The following ELAVL2 variants were observed in gnomAD, a reference collection of about 807,000 sequenced individuals.
ELAVL2 encodes the protein ELAV-like protein 2.
Under a neutral mutation model 34.6 loss-of-function variants are expected in ELAVL2, and 4 were observed. That is an observed-to-expected ratio of 0.12 (90% CI 0.06 to 0.26). The LOEUF (loss-of-function observed/expected upper bound fraction) is 0.26. ELAVL2 is among the 10% of genes least tolerant of loss of function. The pLI is 1.00. For synonymous variants in ELAVL2, 193 were observed against 154.8 expected (o/e 1.25, Z -1.83); for missense variants, 432 against 442.8 (o/e 0.98, Z 0.22).
At chr9:23,734,536 C>G (rs565937916) in intron 2 of ELAVL2, among the ~76,000 whole-genome samples, 3 of 152,284 alleles carry the variant, frequency 2.0e-5, no homozygotes, top group South Asian at 2.1e-4. Flanking sequence ...ACTGAGACTT[C>G]AGGCATATTG....
chr9:23,720,427 A>T (rs1036455503), intron 3 of ELAVL2, among the ~76,000 whole-genome samples: 2 of 152,076 alleles, frequency 1.3e-5, no homozygotes, highest in Admixed American at 1.3e-4. Flanking sequence ...TCAGCCTCCC[A>T]AAGTGCTGGG....
At chr9:23,781,696 TTTTG>T (rs759254155) in intron 1 of ELAVL2, among the ~76,000 whole-genome samples, 1 of 151,590 alleles carries the variant, frequency 6.6e-6, no homozygotes, top group Non-Finnish European at 1.5e-5. Flanking sequence ...TTAAATCTTT[TTTTG>T]TTTGTTTTTT....
intron 1 of ELAVL2, among the ~76,000 whole-genome samples, chr9:23,796,886 A>C (rs938298483): frequency 6.6e-6 from 1 of 152,208 alleles, no homozygotes; most frequent in Non-Finnish European, 1.5e-5. Flanking sequence ...TGACTTGCTT[A>C]TCTCTTCATT....
At chr9:23,821,756 C>CCCGCGCCGCGCCGCGCCGCG (rs367599469) in intron 1 of ELAVL2, 17 of 151,028 alleles carry the variant, frequency 1.1e-4, no homozygotes, top group African/African-American at 3.4e-4. Context: ...CCCCGCCCCA[C>CCCGCGCCGCGCCGCGCCGCG]CCGCGCCGCG....
At chr9:23,746,820 GA>G (rs58976853) in intron 2 of ELAVL2, among the ~76,000 whole-genome samples, 2,669 of 68,944 alleles carry the variant, frequency 0.039, 43 homozygotes, top group East Asian at 0.11. Context: ...AACTGAAAAA[GA>G]AAAAAAAAAA....
chr9:23,831,766 G>T, the ELAVL2 span, among the ~76,000 whole-genome samples: 1 of 151,808 alleles, frequency 6.6e-6, no homozygotes, highest in Non-Finnish European at 1.5e-5. Flanking sequence ...AAATGCTTTC[G>T]GCAGGCAGAG....
intron 2 of ELAVL2, among the ~76,000 whole-genome samples, chr9:23,732,702 A>G (rs1424884328): frequency 1.3e-5 from 2 of 152,182 alleles, no homozygotes; most frequent in Non-Finnish European, 2.9e-5. Flanking sequence ...TATAGTGGAA[A>G]GACAGACTTC....
intron 2 of ELAVL2, among the ~76,000 whole-genome samples, chr9:23,741,715 C>T (rs1001872862): frequency 6.6e-6 from 1 of 152,142 alleles, no homozygotes; most frequent in Non-Finnish European, 1.5e-5. Context: ...CCTTCAGACA[C>T]CTGAGAGAGC....
At chr9:23,755,685 G>A (rs2053380986) in intron 2 of ELAVL2, among the ~76,000 whole-genome samples, 1 of 152,078 alleles carries the variant, frequency 6.6e-6, no homozygotes, top group Non-Finnish European at 1.5e-5. Flanking sequence ...TTAACGCACT[G>A]CGGACCAAAG....
At chr9:23,809,383 A>G (rs1588708347) in intron 1 of ELAVL2, among the ~76,000 whole-genome samples, 1 of 152,284 alleles carries the variant, frequency 6.6e-6, no homozygotes, top group African/African-American at 2.4e-5. Context: ...TTGGACTGAA[A>G]GATGCACCCA....
At chr9:23,818,722 G>C (rs1265459090) in intron 1 of ELAVL2, among the ~76,000 whole-genome samples, 1 of 152,208 alleles carries the variant, frequency 6.6e-6, no homozygotes, top group Admixed American at 6.5e-5. Flanking sequence ...CAATAAGAAT[G>C]TGACGATGTG....
chr9:23,700,838 C>G (rs1283160948), intron 5 of ELAVL2, among the ~76,000 whole-genome samples: 1 of 150,916 alleles, frequency 6.6e-6, no homozygotes, highest in East Asian at 1.9e-4. Flanking sequence ...GTAACAGAAA[C>G]AGCTTGACCT....
chr9:23,843,855 A>G, the ELAVL2 span, among the ~76,000 whole-genome samples: 1 of 152,056 alleles, frequency 6.6e-6, no homozygotes, highest in Non-Finnish European at 1.5e-5. Context: ...AAACACTAAC[A>G]TAATCAATAT....
At chr9:23,840,397 T>A in the ELAVL2 span, among the ~76,000 whole-genome samples, 1 of 151,494 alleles carries the variant, frequency 6.6e-6, no homozygotes, top group Non-Finnish European at 1.5e-5. Flanking sequence ...TCTAAGCACA[T>A]ATGTGTATGA....
At position 23,795,903 on chromosome 9, in the gene ELAVL2, G is replaced by A. The variant is rs551352691; in HGVS notation, c.-16+29903C>T. On this transcript the variant is annotated intron_variant, in intron 1 of 6. Coordinates refer to ENST00000397312, the MANE Select transcript of ELAVL2 (RefSeq NM_004432.5). Reference sequence around the variant, plus strand: ...TAATATTGACTCCTCTTCACAGCCCGCTCTGCAGCACCACCACCTTCTTAC... The same window carrying A: ...TAATATTGACTCCTCTTCACAGCCCACTCTGCAGCACCACCACCTTCTTAC... 5.9e-5 allele frequency among the ~76,000 whole-genome samples: 9 copies of A among 152,230 alleles called. No homozygotes were observed. In the South Asian group the frequency reaches 8.3e-4, roughly 14 times the overall value.
At chr9:23,723,554 T>TA (rs1444412246) in intron 3 of ELAVL2, among the ~76,000 whole-genome samples, 3 of 151,876 alleles carry the variant, frequency 2.0e-5, no homozygotes, top group Admixed American at 6.6e-5. Flanking sequence ...CCCTAAAACT[T>TA]AAAGCATAAT....
intron 3 of ELAVL2, among the ~76,000 whole-genome samples, chr9:23,722,470 C>A (rs1490072012): frequency 6.6e-6 from 1 of 152,198 alleles, no homozygotes; most frequent in Non-Finnish European, 1.5e-5. Flanking sequence ...GCTCACTCTG[C>A]AAGAGGGCAG....
At position 23,778,300 on chromosome 9, in the gene ELAVL2, G is replaced by A. The variant is rs117984908; in HGVS notation, c.-15-16051C>T. Among the ~76,000 whole-genome samples the A allele has an allele frequency of 4.5e-4, 68 of 152,252 alleles. No homozygotes were observed. The East Asian group carries it at 7.7e-3, about 17-fold the overall frequency. On this transcript the variant is annotated intron_variant, in intron 1 of 6. Coordinates refer to ENST00000397312, the MANE Select transcript of ELAVL2 (RefSeq NM_004432.5). ...CTCCTCAACCTCCAGGCCAAAGTTC[G>A]GACTGGCAGCTAGCGGGTAGATTTA...
intron 1 of ELAVL2, among the ~76,000 whole-genome samples, chr9:23,804,146 T>C (rs1438380631): frequency 2.0e-5 from 3 of 152,100 alleles, no homozygotes; most frequent in Admixed American, 2.0e-4. Flanking sequence ...CACAGAACTG[T>C]TTAAAAGATG....
Sources: allele counts gnomAD v4.1 joint callset (sites outside exome capture counted in the v4.1 genomes callset), GRCh38; gene constraint gnomAD v4.1.1; transcripts MANE v1.5; gene names NCBI Gene and HGNC (gene_info 2026-07-23, HGNC 2026-07-21).